The following ENOX1 variants were observed in gnomAD, a reference collection of about 807,000 sequenced individuals.
The protein encoded by ENOX1 is ecto-NOX disulfide-thiol exchanger 1.
In ENOX1, 42 loss-of-function variants were observed where a neutral mutation model predicts 82.5. The observed-to-expected ratio is 0.51, with a 90% CI of 0.40 to 0.66. ENOX1 has a LOEUF of 0.66. Among genes scored for constraint, ENOX1 ranks in the 30% least tolerant of loss-of-function variants. ENOX1 has a pLI of 0.00. For missense variants in ENOX1, 608 were observed against 811.6 expected, an observed-to-expected ratio of 0.75 and a Z score of 3.05; for synonymous variants, 271 against 282.2, an observed-to-expected ratio of 0.96 and a Z score of 0.40.
intron 2 of ENOX1, among the ~76,000 whole-genome samples, chr13:43,666,456 C>G (rs2084982762): frequency 2.0e-5 from 3 of 152,050 alleles, no homozygotes; most frequent in Admixed American, 2.0e-4. Flanking sequence ...AAAAAGGAAA[C>G]CTGGACATAG....
chr13:43,754,698 C>T (rs1009311776), intron 1 of ENOX1, among the ~76,000 whole-genome samples: 5 of 152,106 alleles, frequency 3.3e-5, no homozygotes, highest in African/African-American at 9.6e-5. Context: ...GATCTTCTTG[C>T]CTCAGTCTCC....
At chr13:43,475,048 A>G (rs2058222376) in intron 3 of ENOX1, among the ~76,000 whole-genome samples, 1 of 152,282 alleles carries the variant, frequency 6.6e-6, no homozygotes, top group South Asian at 2.1e-4. Context: ...GATTTTCTAA[A>G]GTAAAATCCA....
chr13:43,371,977 A>T (rs991952234), intron 5 of ENOX1, among the ~76,000 whole-genome samples: 2 of 152,194 alleles, frequency 1.3e-5, no homozygotes, highest in Non-Finnish European at 2.9e-5. Flanking sequence ...CATAACTATC[A>T]CTTATCTCAG....
chr13:43,525,067 T>C (rs1259930357), intron 2 of ENOX1, among the ~76,000 whole-genome samples: 1 of 152,164 alleles, frequency 6.6e-6, no homozygotes, highest in Admixed American at 6.5e-5. Context: ...ACATTTAATA[T>C]TAAATAATGT....
At chr13:43,444,632 C>G (rs1235094271) in intron 3 of ENOX1, among the ~76,000 whole-genome samples, 1 of 152,178 alleles carries the variant, frequency 6.6e-6, no homozygotes, top group African/African-American at 2.4e-5. Context: ...TAGCTAGAAA[C>G]ATATTTCATT....
intron 1 of ENOX1, among the ~76,000 whole-genome samples, chr13:43,763,419 A>G (rs1951097121): frequency 6.6e-6 from 1 of 152,212 alleles, no homozygotes; most frequent in East Asian, 1.9e-4. Flanking sequence ...CCCTGCCTTC[A>G]TGATCTAATT....
intron 13 of ENOX1, among the ~76,000 whole-genome samples, chr13:43,265,883 T>G (rs1279293516): frequency 6.6e-6 from 1 of 152,242 alleles, no homozygotes; most frequent in Non-Finnish European, 1.5e-5. Flanking sequence ...GCTTTTAACA[T>G]GCTACTGTGC....
chr13:43,689,446 C>A (rs776396144), intron 1 of ENOX1, among the ~76,000 whole-genome samples: 6 of 152,138 alleles, frequency 3.9e-5, no homozygotes, highest in Non-Finnish European at 8.8e-5. Context: ...AATGTGAGTA[C>A]AAATTTCATC....
chr13:43,435,157 A>T (rs1019196319), intron 3 of ENOX1, among the ~76,000 whole-genome samples: 3 of 151,790 alleles, frequency 2.0e-5, no homozygotes, highest in Non-Finnish European at 4.4e-5. Context: ...TCATTCTAAA[A>T]CTGGAAACTG....
chr13:43,635,739 TAAAG>T (rs947803200), intron 2 of ENOX1, among the ~76,000 whole-genome samples: 2 of 151,970 alleles, frequency 1.3e-5, no homozygotes, highest in African/African-American at 4.8e-5. Context: ...GACTTGCAGT[TAAAG>T]AGACAGAGAG....
intron 1 of ENOX1, among the ~76,000 whole-genome samples, chr13:43,675,511 CAT>C (rs1034256862): frequency 4.6e-5 from 7 of 152,256 alleles, no homozygotes; most frequent in African/African-American, 1.7e-4. Flanking sequence ...TATACACACA[CAT>C]ATATGCATAT....
intron 2 of ENOX1, among the ~76,000 whole-genome samples, chr13:43,615,553 T>A (rs902736882): frequency 1.3e-5 from 2 of 152,156 alleles, no homozygotes; most frequent in African/African-American, 2.4e-5. Context: ...CCTGGAACCA[T>A]GCCTGATCTA....
At chr13:43,523,325 G>A (rs556084131) in intron 2 of ENOX1, among the ~76,000 whole-genome samples, 9 of 152,250 alleles carry the variant, frequency 5.9e-5, no homozygotes, top group East Asian at 1.9e-4. Context: ...TTTAATGATA[G>A]TTTACAACAT....
intron 2 of ENOX1, among the ~76,000 whole-genome samples, chr13:43,650,914 T>A (rs1803695152): frequency 6.6e-6 from 1 of 152,178 alleles, no homozygotes; most frequent in Non-Finnish European, 1.5e-5. Context: ...TGGCTTTTGT[T>A]CAGGAACCTC....
At chr13:43,502,885 T>A (rs532452844) in intron 2 of ENOX1, among the ~76,000 whole-genome samples, 9 of 151,436 alleles carry the variant, frequency 5.9e-5, no homozygotes, top group African/African-American at 9.6e-5. Flanking sequence ...ATATATATAT[T>A]TTTTACTTTG....
At chr13:43,399,766 C>T (rs2053384728) in intron 5 of ENOX1, among the ~76,000 whole-genome samples, 1 of 152,158 alleles carries the variant, frequency 6.6e-6, no homozygotes, top group African/African-American at 2.4e-5. Flanking sequence ...CTGTCTCTTG[C>T]AGAGACAGTT....
chr13:43,241,299 T>C (rs2042817264), intron 14 of ENOX1, among the ~76,000 whole-genome samples: 1 of 152,196 alleles, frequency 6.6e-6, no homozygotes, highest in South Asian at 2.1e-4. Flanking sequence ...TAAAATCCTT[T>C]AGCCTGATAG....
intron 3 of ENOX1, among the ~76,000 whole-genome samples, chr13:43,442,133 C>G (rs2056394640): frequency 6.6e-6 from 1 of 152,242 alleles, no homozygotes; most frequent in East Asian, 1.9e-4. Context: ...CGGACTGATT[C>G]CCCAGCTCTT....
chr13:43,454,543 C>T (rs943787563), intron 3 of ENOX1, among the ~76,000 whole-genome samples: 3 of 152,136 alleles, frequency 2.0e-5, no homozygotes, highest in African/African-American at 4.8e-5. Context: ...TGCCTTACTA[C>T]TATGCAAAAT....
Sources: allele counts gnomAD v4.1 joint callset (sites outside exome capture counted in the v4.1 genomes callset), GRCh38; gene constraint gnomAD v4.1.1; transcripts MANE v1.5; gene names NCBI Gene and HGNC (gene_info 2026-07-23, HGNC 2026-07-21).